SLC9B1: variants seen among roughly 807,000 people sequenced by gnomAD.
SLC9B1 encodes solute carrier family 9 member B1.
In SLC9B1, 32 loss-of-function variants were observed where a neutral mutation model predicts 51.7. The ratio of observed to expected loss-of-function variants is 0.62; its 90% CI spans 0.47 to 0.83. SLC9B1 has a LOEUF of 0.83. Ranked by LOEUF, SLC9B1 falls within the 40% of genes least tolerant of loss-of-function variation. The probability of loss-of-function intolerance (pLI) is 0.00; values close to 1 mark genes in which losing one functional copy is unlikely to be tolerated. For missense variants in SLC9B1, 406 were observed against 613.2 expected (o/e 0.66, Z 3.57); for synonymous variants, 145 against 212.7 (o/e 0.68, Z 2.77).
At chr4:103,019,535 G>A (rs1214113843) in intron 1 of SLC9B1, 64 bp downstream of exon 1, 7 of 974,644 alleles carry the variant, frequency 7.2e-6, no homozygotes, top group African/African-American at 7.0e-5. Flanking sequence ...GGAAACGATC[G>A]CGGCAGACCC....
chr4:103,019,303 C>G (rs1175664596), intron 1 of SLC9B1, among the ~76,000 whole-genome samples: 1 of 152,152 alleles, frequency 6.6e-6, no homozygotes, highest in Non-Finnish European at 1.5e-5. Flanking sequence ...TGAGGTCAAT[C>G]TTAACTGACA....
Position 102,992,344 on chromosome 4 carries a change from G to A in SLC9B1, c.-1-632C>T, listed in dbSNP as rs186556380. Among the ~76,000 whole-genome samples, 608 of 152,128 alleles carry A rather than the reference G, an allele frequency of 4.0e-3. 4 individuals carry two copies. Among genetic ancestry groups the A allele is most frequent in the South Asian group, 0.029 (140 of 4,816 alleles). On this transcript the variant is annotated intron_variant, in intron 1 of 11. Transcript: ENST00000296422. ...TTTGCTAGCTTCAAATATAAGTAGG[G>A]TAACTTTTCTTAAAAATATCTTCTC... is the stretch of plus-strand genomic sequence containing the variant.
rs1168311749 is a variant in SLC9B1 at position 103,000,870 on chromosome 4, C to A, written c.-1-9158G>T. ...GAGAATGATGGTCCTCTTCTCACAG[C>A]TCCACTAGGTAGTGCCCCATTGGGG... On this transcript the variant is annotated intron_variant, in intron 1 of 11. Coordinates refer to ENST00000296422, the MANE Select transcript of SLC9B1 (RefSeq NM_139173.4). Among the ~76,000 whole-genome samples the A allele has an allele frequency of 2.0e-5, 3 of 152,232 alleles. No individual in the cohort carries two copies. In the South Asian group the frequency reaches 6.2e-4, roughly 32 times the overall value.
At chr4:102,970,717 A>T (rs141795128) in intron 3 of SLC9B1, among the ~76,000 whole-genome samples, 4,275 of 152,280 alleles carry the variant, frequency 0.028, 188 homozygotes, top group African/African-American at 0.093. Flanking sequence ...GTCAAGACCC[A>T]TCAGTGTGCT....
chr4:102,955,843 G>GAGAGAGAAAGAA (rs1553983811), intron 3 of SLC9B1, among the ~76,000 whole-genome samples: 1 of 106,754 alleles, frequency 9.4e-6, no homozygotes, highest in African/African-American at 3.6e-5. Context: ...GAAAGAGAGA[G>GAGAGAGAAAGAA]AGAAAGAAAG....
At chr4:102,972,677 T>C (rs938098452) in intron 3 of SLC9B1, among the ~76,000 whole-genome samples, 1 of 152,346 alleles carries the variant, frequency 6.6e-6, no homozygotes, top group South Asian at 2.1e-4. Flanking sequence ...TATGTAAGTA[T>C]TCAAAAACTG....
At chr4:103,011,392 T>C (rs1359020438) in intron 1 of SLC9B1, among the ~76,000 whole-genome samples, 1 of 152,148 alleles carries the variant, frequency 6.6e-6, no homozygotes, top group East Asian at 1.9e-4. Context: ...TTCTCACATG[T>C]TGGCATCACA....
At chr4:102,927,859 C>T (rs768056939) in intron 7 of SLC9B1, among the ~76,000 whole-genome samples, 45 of 152,124 alleles carry the variant, frequency 3.0e-4, no homozygotes, top group African/African-American at 9.6e-4. Flanking sequence ...GATTAAGACA[C>T]GTGACACATA....
At chr4:102,949,233 A>C in intron 4 of SLC9B1, 24 bp downstream of exon 4, 4 of 1,487,024 alleles carry the variant, frequency 2.7e-6, no homozygotes, top group African/African-American at 1.4e-5. Flanking sequence ...ATAATAAAGA[A>C]AAGAGAGCTA....
At chr4:102,959,994 G>GT (rs908978777) in intron 3 of SLC9B1, among the ~76,000 whole-genome samples, 155 of 145,324 alleles carry the variant, frequency 1.1e-3, no homozygotes, top group African/African-American at 2.1e-3. Flanking sequence ...CAAAATAAAA[G>GT]TTTTTTTTTT....
At chr4:102,960,887 C>G (rs900654061) in intron 3 of SLC9B1, among the ~76,000 whole-genome samples, 6 of 152,008 alleles carry the variant, frequency 3.9e-5, no homozygotes, top group African/African-American at 1.4e-4. Flanking sequence ...CATGCAGCAC[C>G]ATACCCGGCT....
At chr4:102,948,320 A>T (rs890062024) in intron 4 of SLC9B1, among the ~76,000 whole-genome samples, 1 of 139,560 alleles carries the variant, frequency 7.2e-6, no homozygotes, top group African/African-American at 2.7e-5. Flanking sequence ...AATCAGGCAA[A>T]GCCATACACA....
At chr4:102,958,492 T>G (rs543224732) in intron 3 of SLC9B1, among the ~76,000 whole-genome samples, 5 of 152,166 alleles carry the variant, frequency 3.3e-5, no homozygotes, top group African/African-American at 4.8e-5. Flanking sequence ...TCTAAAAAAT[T>G]TAAGCAAAAT....
intron 11 of SLC9B1, chr4:102,888,388 C>T (rs1427690462): frequency 6.6e-6 from 1 of 152,100 alleles, no homozygotes; most frequent in Non-Finnish European, 1.5e-5. Flanking sequence ...AAAAGTTGGC[C>T]CTCCAGTTGA....
intron 3 of SLC9B1, among the ~76,000 whole-genome samples, chr4:102,958,127 A>G (rs762645572): frequency 2.4e-4 from 37 of 152,298 alleles, no homozygotes; most frequent in Middle Eastern, 3.4e-3. Flanking sequence ...GTTGAATTGT[A>G]ATCCCCAATG....
intron 1 of SLC9B1, among the ~76,000 whole-genome samples, chr4:103,008,938 T>G (rs1046362902): frequency 1.3e-5 from 2 of 151,864 alleles, no homozygotes; most frequent in African/African-American, 4.8e-5. Flanking sequence ...CAGCTGGGAC[T>G]ACGGGCGCGT....
chr4:102,987,399 T>C (rs997457755), intron 3 of SLC9B1, among the ~76,000 whole-genome samples: 1 of 152,146 alleles, frequency 6.6e-6, no homozygotes, highest in African/African-American at 2.4e-5. Context: ...CCCAGAGACT[T>C]CCAGTTTCCA....
intron 1 of SLC9B1, among the ~76,000 whole-genome samples, chr4:103,011,335 T>C (rs1165896221): frequency 6.6e-6 from 1 of 152,206 alleles, no homozygotes; most frequent in Non-Finnish European, 1.5e-5. Context: ...CCATGTCTCC[T>C]GGGAGCCTTG....
chr4:102,955,866 AAAGAAAG>A (rs1737769299), intron 3 of SLC9B1, among the ~76,000 whole-genome samples: 1 of 134,394 alleles, frequency 7.4e-6, no homozygotes, highest in Non-Finnish European at 1.6e-5. Context: ...AGAAAGAAAG[AAAGAAAG>A]AAAGAAAGAA....
Sources: gnomAD v4.1 joint callset for allele counts (sites outside exome capture counted in the v4.1 genomes callset) on GRCh38, gnomAD v4.1.1 for gene constraint, MANE v1.5 for transcripts, NCBI Gene and HGNC (gene_info 2026-07-23, HGNC 2026-07-21) for gene names.